Variants in FAM193A observed in about 807,000 individuals in gnomAD.
The protein encoded by FAM193A is protein FAM193A.
Under a neutral mutation model 126.5 loss-of-function variants are expected in FAM193A, and 22 were observed. That is an observed-to-expected ratio of 0.17 (90% CI 0.12 to 0.25). The LOEUF is 0.25. Ranked by LOEUF, FAM193A falls within the 10% of genes least tolerant of loss-of-function variation. The pLI is 1.00. For missense variants in FAM193A, 1,675 were observed against 1,672.8 expected, an observed-to-expected ratio of 1.00 and a Z score of -0.02; for synonymous variants, 761 against 646.8, an observed-to-expected ratio of 1.18 and a Z score of -2.68.
chr4:2,619,617 C>A (rs1208240167), intron 2 of FAM193A, among the ~76,000 whole-genome samples: 1 of 152,122 alleles, frequency 6.6e-6, no homozygotes, highest in African/African-American at 2.4e-5. Context: ...GTCCCGCCCG[C>A]CTCTGCCTCC....
chr4:2,571,559 GAC>G (rs1372429195), intron 1 of FAM193A, among the ~76,000 whole-genome samples: 28 of 148,798 alleles, frequency 1.9e-4, no homozygotes, highest in Admixed American at 1.8e-3. Context: ...TTTTTTTTTT[GAC>G]ACAGAGTTTC....
rs375598280 is a variant in FAM193A, at chr4:2,639,358, G to A, written c.1039-377G>A. On this transcript the variant is annotated intron_variant, in intron 5 of 20. Coordinates refer to ENST00000637812, the MANE Select transcript of FAM193A (RefSeq NM_001366318.2). The stretch of plus-strand genomic sequence containing the variant: ...ATCCTTTAGCATCGAGGGACTTGAT[G>A]TATCTAAACTGTTTGAACTGTAAGG... 2.6e-5 allele frequency among the ~76,000 whole-genome samples: 4 copies of A among 152,306 alleles called. 1 individual carries two copies. Among genetic ancestry groups the A allele is most frequent in the East Asian group, 1.9e-4 (1 of 5,190 alleles).
Position 2,688,452 on chromosome 4 carries a change from A to G in FAM193A, c.2332-1054A>G, listed in dbSNP as rs552678318. ...AGTGTGGTAGCGAGCTGAGGCTTGC[A>G]CATTCTAGAGCATGGACACAGCACA... On this transcript the variant is annotated intron_variant, in intron 13 of 20. Coordinates refer to ENST00000637812, the MANE Select transcript of FAM193A (RefSeq NM_001366318.2). 1.5e-4 allele frequency among the ~76,000 whole-genome samples: 23 copies of G among 152,112 alleles called. No individual in the cohort carries two copies. The South Asian group carries it at 1.7e-3, about 11-fold the overall frequency.
chr4:2,705,485 C>G (rs1305602433), intron 19 of FAM193A, among the ~76,000 whole-genome samples: 1 of 151,568 alleles, frequency 6.6e-6, no homozygotes, highest in Non-Finnish European at 1.5e-5. Context: ...ATTTATATCC[C>G]TAATATGTTT....
In FAM193A at chr4:2,696,607, C is replaced by G; in HGVS notation, c.3507+14C>G. 1.9e-6 allele frequency: 3 copies of G among 1,605,778 alleles called. No homozygotes were observed. The highest frequency in any genetic ancestry group is 2.6e-6 in the Non-Finnish European group (3 of 1,172,642). On this transcript the variant is annotated intron_variant, in intron 18 of 20. Coordinates refer to ENST00000637812, the MANE Select transcript of FAM193A (RefSeq NM_001366318.2). ...AAGCAAAGGAAGGCAAGTGACAGTT[C>G]TCAGCACCTGGAGGCGCCAGGTCTG...
intron 4 of FAM193A, among the ~76,000 whole-genome samples, chr4:2,630,063 T>C (rs1027849893): frequency 2.1e-5 from 3 of 141,548 alleles, no homozygotes; most frequent in Non-Finnish European, 3.1e-5. Flanking sequence ...ACCCAGGAGG[T>C]GGAGCTTGCA....
intron 1 of FAM193A, among the ~76,000 whole-genome samples, chr4:2,593,941 G>A (rs1258398112): frequency 1.3e-5 from 2 of 151,620 alleles, no homozygotes; most frequent in African/African-American, 4.9e-5. Flanking sequence ...GATTCTCATG[G>A]TACTCGGTGG....
intron 4 of FAM193A, 74 bp from the exon 5 acceptor site, chr4:2,630,861 A>G (rs1743492835): frequency 1.2e-6 from 1 of 825,974 alleles, no homozygotes; most frequent in Non-Finnish European, 2.0e-6. Context: ...AGGGCTTCAG[A>G]AAAGATGCTC....
At chr4:2,639,097 T>C (rs751233505) in intron 5 of FAM193A, among the ~76,000 whole-genome samples, 58 of 152,218 alleles carry the variant, frequency 3.8e-4, no homozygotes, top group Admixed American at 1.0e-3. Context: ...AAGGTAATAA[T>C]GGCATCAACC....
chr4:2,590,543 T>C (rs1457368268), intron 1 of FAM193A, among the ~76,000 whole-genome samples: 1 of 147,768 alleles, frequency 6.8e-6, no homozygotes, highest in Admixed American at 6.7e-5. Context: ...AACAGAAAAT[T>C]GTGATTGAGG....
At chr4:2,542,776 GAGA>G (rs529836293) in intron 1 of FAM193A, among the ~76,000 whole-genome samples, 1 of 152,316 alleles carries the variant, frequency 6.6e-6, no homozygotes, top group South Asian at 2.1e-4. Flanking sequence ...GTGGATAAGA[GAGA>G]AGGCCGAGTG....
At chr4:2,588,726 T>C (rs1465175676) in intron 1 of FAM193A, among the ~76,000 whole-genome samples, 1 of 152,160 alleles carries the variant, frequency 6.6e-6, no homozygotes, top group Non-Finnish European at 1.5e-5. Flanking sequence ...TTCTCTCTGG[T>C]CATTTCTGGG....
intron 10 of FAM193A, among the ~76,000 whole-genome samples, chr4:2,660,420 T>C (rs942470237): frequency 2.0e-5 from 3 of 152,208 alleles, no homozygotes; most frequent in Non-Finnish European, 4.4e-5. Flanking sequence ...CATGTCTTGC[T>C]AAGAACTCAG....
Position 2,690,859 on chromosome 4 carries a change from A to G in FAM193A, c.2692A>G (p.Lys898Glu), listed in dbSNP as rs1309115487. ...NFQDAFMEAN[K>E]VVMATSSATS... ...CCAAGATGCTTTCATGGAAGCAAATAAAGTTGTCATGGCCACGTCATCAGC... is the reference window on the plus strand; with the variant it reads ...CCAAGATGCTTTCATGGAAGCAAATGAAGTTGTCATGGCCACGTCATCAGC... Residue 898 changes from lysine (K) to glutamate (E), a missense_variant, in exon 15 of 21, where the codon AAA (lysine) becomes GAA (glutamate). Lys to Glu is a moderately conservative substitution (Grantham distance 56). This residue lies in a region of FAM193A where 1,186 missense variants were observed against 1,109.2 expected (regional missense o/e 1.07). Transcript: ENST00000637812. 8 of 1,614,104 alleles carry G rather than the reference A, an allele frequency of 5.0e-6. No homozygotes were observed. The highest frequency in any genetic ancestry group is 5.1e-6 in the Non-Finnish European group (6 of 1,180,038).
chr4:2,644,949 C>T (rs1466712241), intron 6 of FAM193A, among the ~76,000 whole-genome samples: 3 of 151,846 alleles, frequency 2.0e-5, no homozygotes, highest in Admixed American at 6.6e-5. Context: ...GTCCACTATA[C>T]GTATTTTTAA....
At chr4:2,723,563 G>A (rs933172270) in intron 20 of FAM193A, among the ~76,000 whole-genome samples, 4 of 141,476 alleles carry the variant, frequency 2.8e-5, no homozygotes, top group Admixed American at 7.8e-5. Flanking sequence ...AACAGAGCAA[G>A]ACTCCGTCTC....
rs539283921 is a variant in FAM193A at position 2,726,495 on chromosome 4, A to G, written c.4455-5280A>G. ...AAACTGCCTTCTCTGGCCTTGCTTCACAGCATGGGATCCGGGTCCCGGTAC... is the reference window on the plus strand; with the variant it reads ...AAACTGCCTTCTCTGGCCTTGCTTCGCAGCATGGGATCCGGGTCCCGGTAC... On this transcript the variant is annotated intron_variant, in intron 20 of 20. Coordinates refer to ENST00000637812, the MANE Select transcript of FAM193A (RefSeq NM_001366318.2). Among the ~76,000 whole-genome samples, 20 of 152,174 alleles carry G rather than the reference A, an allele frequency of 1.3e-4. No homozygotes were observed. The South Asian group carries it at 4.2e-3, about 32-fold the overall frequency.
At chr4:2,710,571 A>C (rs1213161008) in intron 19 of FAM193A, among the ~76,000 whole-genome samples, 1 of 149,670 alleles carries the variant, frequency 6.7e-6, no homozygotes, top group African/African-American at 2.5e-5. Flanking sequence ...GCACACTCAC[A>C]GCTCACTGCA....
At chr4:2,681,070 G>T (rs1178524894) in intron 13 of FAM193A, among the ~76,000 whole-genome samples, 1 of 151,872 alleles carries the variant, frequency 6.6e-6, no homozygotes, top group African/African-American at 2.4e-5. Flanking sequence ...GCTCACTGGA[G>T]CCTCGAACGC....
Sources: allele counts gnomAD v4.1 joint callset (sites outside exome capture counted in the v4.1 genomes callset), GRCh38; gene constraint gnomAD v4.1.1; regional missense constraint gnomAD v4.1.1; transcripts MANE v1.5; gene names NCBI Gene and HGNC (gene_info 2026-07-23, HGNC 2026-07-21).